Variants in UTP6 observed in about 807,000 individuals in gnomAD.
The protein encoded by UTP6 is UTP6 small subunit processome component.
In UTP6, 60 loss-of-function variants were observed where a neutral mutation model predicts 96.5. The observed-to-expected ratio is 0.62, with a 90% CI of 0.51 to 0.77. UTP6 has a LOEUF of 0.77. Among genes scored for constraint, UTP6 ranks in the 30% least tolerant of loss-of-function variants. The pLI is 0.00. For missense variants in UTP6, 637 were observed against 706.5 expected (o/e 0.90, Z 1.12); for synonymous variants, 215 against 240.1 (o/e 0.90, Z 0.96).
chr17:31,889,282 CACTT>C lies in UTP6; in HGVS notation c.542_543+2del, dbSNP rs1911325630. On this transcript the variant is annotated splice_donor_variant and coding_sequence_variant, in exon 7 of 19. Coordinates refer to ENST00000261708, the MANE Select transcript of UTP6 (RefSeq NM_018428.3). LOFTEE classifies it high-confidence loss of function. ...GTCTCATCCTATGTGCATACACACTCACTTCTTTATAAAGTTTTGGGCACTCTGG... is the reference window on the plus strand; with the variant it reads ...GTCTCATCCTATGTGCATACACACTCCTTTATAAAGTTTTGGGCACTCTGG... The C allele has an allele frequency of 6.2e-7, 1 of 1,608,106 alleles. No individual in the cohort carries two copies. The highest frequency in any genetic ancestry group is 8.5e-7 in the Non-Finnish European group (1 of 1,175,490).
intron 17 of UTP6, 71 bp downstream of exon 17, chr17:31,867,972 CAAA>C: frequency 2.0e-6 from 3 of 1,509,094 alleles, no homozygotes; most frequent in Middle Eastern, 1.9e-4. Context: ...AACAAAAAAA[CAAA>C]AAACAGTCTG....
intron 16 of UTP6, among the ~76,000 whole-genome samples, chr17:31,869,214 G>C (rs930104288): frequency 1.6e-4 from 25 of 152,240 alleles, no homozygotes; most frequent in Non-Finnish European, 3.2e-4. Context: ...TGTCACCCAG[G>C]CTGGAGTACA....
At chr17:31,878,445 C>T in intron 12 of UTP6, 118 bp from the exon 13 acceptor site, 1 of 1,019,472 alleles carries the variant, frequency 9.8e-7, no homozygotes, top group Non-Finnish European at 1.5e-6. Flanking sequence ...TGACTTGCTC[C>T]TGCATGGTGG....
intron 7 of UTP6, among the ~76,000 whole-genome samples, chr17:31,888,972 T>C (rs1911306780): frequency 6.6e-6 from 1 of 151,694 alleles, no homozygotes; most frequent in Non-Finnish European, 1.5e-5. Context: ...CTCGGAAGGC[T>C]GAGGCAGGAG....
At chr17:31,898,012 G>A (rs1046617226) in intron 2 of UTP6, among the ~76,000 whole-genome samples, 6 of 151,918 alleles carry the variant, frequency 3.9e-5, no homozygotes, top group African/African-American at 1.5e-4. Flanking sequence ...CTCACCAAGA[G>A]GCAAATCTCT....
intron 9 of UTP6, 79 bp downstream of exon 9, chr17:31,885,901 T>G: frequency 7.5e-7 from 1 of 1,339,154 alleles, no homozygotes. Flanking sequence ...AATGGAAAAT[T>G]TCAAAACTAG....
intron 2 of UTP6, among the ~76,000 whole-genome samples, chr17:31,895,398 T>C (rs920531038): frequency 6.6e-6 from 1 of 152,318 alleles, no homozygotes; most frequent in Admixed American, 6.5e-5. Context: ...TCTACTCTTC[T>C]CCCTCTCCAG....
intron 7 of UTP6, chr17:31,887,961 C>CAAAAAAAAAAAAA (rs34260710): frequency 1.6e-5 from 1 of 63,334 alleles, no homozygotes; most frequent in Admixed American, 2.1e-4. Context: ...GACTCCATCT[C>CAAAAAAAAAAAAA]AAAAAAAAAA....
intron 14 of UTP6, 95 bp downstream of exon 14, chr17:31,875,139 T>A: frequency 7.0e-7 from 1 of 1,428,026 alleles, no homozygotes; most frequent in South Asian, 1.3e-5. Flanking sequence ...CACTCTAGAG[T>A]TGGCTCTCAA....
intron 10 of UTP6, 146 bp downstream of exon 10, chr17:31,884,278 G>A (rs1911015426): frequency 5.0e-6 from 3 of 605,324 alleles, no homozygotes; most frequent in African/African-American, 1.9e-5. Flanking sequence ...GATTACAGGT[G>A]TGAGCCACTG....
At position 31,901,599 on chromosome 17, in the gene UTP6, TC is replaced by T; in HGVS notation, c.28del (p.Glu10LysfsTer31). The T allele has an allele frequency of 6.2e-7, 1 of 1,614,010 alleles. No individual in the cohort carries two copies. The stretch of plus-strand genomic sequence containing the variant: ...CTGTTCCAATTCCGGGAGCCGATCT[TC>T]TATGCGTTCCTGAATTATCTCTGCC... MAEIIQERIEDRLPELEQLE... is the reference protein window; with the variant it reads MAEIIQERIXDRLPELEQLE... On this transcript the variant is annotated frameshift_variant, in exon 1 of 19. Coordinates refer to ENST00000261708, the MANE Select transcript of UTP6 (RefSeq NM_018428.3). LOFTEE classifies it high-confidence loss of function.
Position 31,895,006 on chromosome 17 carries a change from T to C in UTP6, c.183A>G (p.Glu61=), listed in dbSNP as rs141634580. The C allele has an allele frequency of 1.2e-3, 1,859 of 1,532,484 alleles. 53 individuals carry two copies. The Admixed American group carries it at 0.039, about 32-fold the overall frequency. 94.9% of individuals were successfully genotyped at this position (1,532,484 alleles called of 1,614,324 possible). A position where few individuals can be genotyped will look rare whatever the true frequency, so the allele number is the denominator to read the frequency against. The change falls in exon 3 of 19, where the codon GAA becomes GAG. Residue 61 remains glutamate (E), a synonymous_variant. Transcript: ENST00000261708. The part of the protein sequence containing the change: ...KEDFINYVQY[E]INLLELIQRR... ...TCTGGATCAGCTCCAAAAGATTAAT[T>C]TCATACTATGAAAGAAAAACATACA...
chr17:31,869,057 G>GCCAA (rs1430616161), intron 16 of UTP6, among the ~76,000 whole-genome samples: 2 of 152,138 alleles, frequency 1.3e-5, no homozygotes, highest in African/African-American at 4.8e-5. Context: ...GCTGCAGGGA[G>GCCAA]CCAAGATCAA....
chr17:31,884,621 T>C, intron 9 of UTP6, 116 bp from the exon 10 acceptor site: 3 of 766,528 alleles, frequency 3.9e-6, no homozygotes, highest in Admixed American at 3.1e-5. Flanking sequence ...AAATGAGAAA[T>C]AGAATAAAAT....
chr17:31,871,118 T>C (rs898160805), intron 16 of UTP6, among the ~76,000 whole-genome samples: 1 of 151,494 alleles, frequency 6.6e-6, no homozygotes, highest in Non-Finnish European at 1.5e-5. Flanking sequence ...GCCTCCCAAG[T>C]AGCTGGGAAT....
At chr17:31,867,517 AAAAAAAGT>A (rs910953205) in intron 17 of UTP6, among the ~76,000 whole-genome samples, 3 of 152,058 alleles carry the variant, frequency 2.0e-5, no homozygotes, top group African/African-American at 7.2e-5. Context: ...CAAAAAAAAA[AAAAAAAGT>A]AACATGTAAG....
chr17:31,885,573 A>C (rs1429695031), intron 9 of UTP6, among the ~76,000 whole-genome samples: 1 of 151,948 alleles, frequency 6.6e-6, no homozygotes, highest in Non-Finnish European at 1.5e-5. Flanking sequence ...GCAGGTCACA[A>C]GGTCAGGAGT....
intron 17 of UTP6, among the ~76,000 whole-genome samples, chr17:31,866,278 C>T (rs1183666314): frequency 5.0e-5 from 7 of 140,662 alleles, no homozygotes; most frequent in Non-Finnish European, 7.6e-5. Context: ...CAGAGCGAGA[C>T]TCTGTCTCAA....
At chr17:31,873,261 A>G in intron 16 of UTP6, 117 bp downstream of exon 16, 1 of 1,018,486 alleles carries the variant, frequency 9.8e-7, no homozygotes, top group Non-Finnish European at 1.5e-6. Context: ...CTTAAAAAAA[A>G]AGAAAAAGTG....
Sources: allele counts gnomAD v4.1 joint callset (sites outside exome capture counted in the v4.1 genomes callset), GRCh38; gene constraint gnomAD v4.1.1; transcripts MANE v1.5; gene names NCBI Gene and HGNC (gene_info 2026-07-23, HGNC 2026-07-21).